PRRX2: variants seen among roughly 807,000 people sequenced by gnomAD.
The protein encoded by PRRX2 is paired mesoderm homeobox protein 2.
PRRX2 carries 11 observed loss-of-function variants against 18.0 expected under a neutral mutation model. The ratio of observed to expected loss-of-function variants is 0.61; its 90% CI spans 0.39 to 1.01. The LOEUF (loss-of-function observed/expected upper bound fraction) is 1.01. Among genes scored for constraint, PRRX2 ranks in the 50% least tolerant of loss-of-function variants. The probability of loss-of-function intolerance (pLI) is 0.01; values close to 1 mark genes in which losing one functional copy is unlikely to be tolerated. For synonymous variants in PRRX2, 177 were observed against 154.8 expected (o/e 1.14, Z -1.06); for missense variants, 387 against 351.0 (o/e 1.10, Z -0.82).
intron 1 of PRRX2, among the ~76,000 whole-genome samples, chr9:129,683,768 G>A (rs1832262682): frequency 6.6e-6 from 1 of 152,152 alleles, no homozygotes; most frequent in South Asian, 2.1e-4. Context: ...GACACAGGCA[G>A]GTAATTTACT....
rs1351545177 is a variant in PRRX2, at chr9:129,719,259, C to T, written c.288C>T (p.Ser96=). 1.2e-6 allele frequency: 2 copies of T among 1,603,938 alleles called. No individual in the cohort carries two copies. Among genetic ancestry groups the T allele is most frequent in the East Asian group, 4.5e-5 (2 of 44,580 alleles). The change falls in exon 2 of 4, where the codon AGC becomes AGT. Residue 96 remains serine (S), a synonymous_variant. Coordinates refer to ENST00000372469, the MANE Select transcript of PRRX2 (RefSeq NM_016307.4). ...DGECPSPGRG[S]AAKRKKKQRR... ...AGTGTCCCAGCCCGGGGCGCGGTAGCGCCGCCAAGCGGAAGAAGAAGCAGC... is the reference window on the plus strand; with the variant it reads ...AGTGTCCCAGCCCGGGGCGCGGTAGTGCCGCCAAGCGGAAGAAGAAGCAGC...
In PRRX2 at chr9:129,719,225, C is replaced by T; in HGVS notation, c.260-6C>T. ...GCTGACCATCCCGCCCCCCCAACCTCCGCAGGTGAGTGTCCCAGCCCGGGG... is the reference window on the plus strand; with the variant it reads ...GCTGACCATCCCGCCCCCCCAACCTTCGCAGGTGAGTGTCCCAGCCCGGGG... On this transcript the variant is annotated splice_polypyrimidine_tract_variant and splice_region_variant and intron_variant, in intron 1 of 3. Coordinates refer to ENST00000372469, the MANE Select transcript of PRRX2 (RefSeq NM_016307.4). 1 of 1,576,922 alleles carries T rather than the reference C, an allele frequency of 6.3e-7. No homozygotes were observed. The highest frequency in any genetic ancestry group is 8.6e-7 in the Non-Finnish European group (1 of 1,160,990).
intron 1 of PRRX2, among the ~76,000 whole-genome samples, chr9:129,717,217 C>T: frequency 6.6e-6 from 1 of 151,820 alleles, no homozygotes; most frequent in Non-Finnish European, 1.5e-5. Flanking sequence ...TGGCTAATTT[C>T]TTTTGTCTTT....
intron 1 of PRRX2, chr9:129,713,128 GTCC>G (rs1338773823): frequency 2.0e-5 from 3 of 152,354 alleles, no homozygotes; most frequent in African/African-American, 4.8e-5. Context: ...TGCTGCCTGG[GTCC>G]TCCTCCCCGT....
At position 129,722,325 on chromosome 9, in the gene PRRX2, C is replaced by T. The variant is rs1171002745; in HGVS notation, c.735C>T (p.His245=). The T allele has an allele frequency of 1.2e-6, 2 of 1,614,018 alleles. No homozygotes were observed. Among genetic ancestry groups the T allele is most frequent in the African/African-American group, 1.3e-5 (1 of 75,060 alleles). ...LRLKAKEFSL[H]HSQVPTVN ...TCAAGGCCAAGGAGTTCAGCCTGCACCACAGCCAGGTGCCTACGGTGAACT... is the reference window on the plus strand; with the variant it reads ...TCAAGGCCAAGGAGTTCAGCCTGCATCACAGCCAGGTGCCTACGGTGAACT... The change falls in exon 4 of 4, where the codon CAC becomes CAT. Residue 245 remains histidine (H), a synonymous_variant. Transcript: ENST00000372469.
chr9:129,717,049 T>G (rs1284131591), intron 1 of PRRX2, among the ~76,000 whole-genome samples: 3 of 151,920 alleles, frequency 2.0e-5, no homozygotes, highest in African/African-American at 7.3e-5. Flanking sequence ...TTTTATTTAT[T>G]TATTTATTTA....
intron 2 of PRRX2, among the ~76,000 whole-genome samples, chr9:129,720,101 C>G (rs1028394110): frequency 6.6e-6 from 1 of 151,938 alleles, no homozygotes; most frequent in African/African-American, 2.4e-5. Context: ...AAGTTCTTAA[C>G]TCTGTGCCAG....
At chr9:129,673,631 CACAG>C (rs1832126175) in intron 1 of PRRX2, among the ~76,000 whole-genome samples, 1 of 149,628 alleles carries the variant, frequency 6.7e-6, no homozygotes, top group Non-Finnish European at 1.5e-5. Context: ...CAAAGACACA[CACAG>C]ACCCATACCC....
At chr9:129,705,147 C>T (rs998026681) in intron 1 of PRRX2, among the ~76,000 whole-genome samples, 34 of 150,930 alleles carry the variant, frequency 2.3e-4, no homozygotes, top group African/African-American at 8.0e-4. Flanking sequence ...CCACCCACCC[C>T]GCACCCCATT....
rs1044309026 is a variant in PRRX2, at chr9:129,695,433, G to T, written c.260-23798G>T. 6.6e-6 allele frequency among the ~76,000 whole-genome samples: 1 copy of T among 152,272 alleles called. No homozygotes were observed. Among genetic ancestry groups the T allele is most frequent in the African/African-American group, 2.4e-5 (1 of 41,562 alleles). ...AGAATCAGCTTCCCTCCAAATTCCC[G>T]GTCTCTTGCTCTGGGCTTTACTTGA... On this transcript the variant is annotated intron_variant, in intron 1 of 3. Transcript: ENST00000372469. The surrounding 1 kb of genome is among the most constrained non-coding windows in gnomAD (Gnocchi z 4.8).
At chr9:129,678,290 G>A (rs1468425108) in intron 1 of PRRX2, among the ~76,000 whole-genome samples, 2 of 152,074 alleles carry the variant, frequency 1.3e-5, no homozygotes, top group African/African-American at 2.4e-5. Context: ...CAAGGGGCTG[G>A]TTTCTCTGTC....
intron 1 of PRRX2, among the ~76,000 whole-genome samples, chr9:129,702,874 C>T (rs1456118027): frequency 6.6e-6 from 1 of 152,158 alleles, no homozygotes; most frequent in Non-Finnish European, 1.5e-5. Flanking sequence ...GCAAGGGGGG[C>T]GGGGCAGCTC....
chr9:129,684,518 A>ACACCCC (rs1554723045), intron 1 of PRRX2, among the ~76,000 whole-genome samples: 3 of 38,440 alleles, frequency 7.8e-5, no homozygotes, highest in African/African-American at 2.1e-4. Context: ...ACACACACAC[A>ACACCCC]CACACCCACA....
chr9:129,691,170 CAA>C (rs59003962), intron 1 of PRRX2, among the ~76,000 whole-genome samples: 22 of 101,250 alleles, frequency 2.2e-4, no homozygotes, highest in Non-Finnish European at 2.6e-4. Context: ...GCTAAATATA[CAA>C]AAAAAAAAAA....
intron 1 of PRRX2, among the ~76,000 whole-genome samples, chr9:129,680,752 C>T (rs377413295): frequency 1.2e-4 from 18 of 152,282 alleles, no homozygotes; most frequent in Middle Eastern, 3.4e-3. Flanking sequence ...CCCTGCCTGG[C>T]GACCTGGGAT....
intron 1 of PRRX2, among the ~76,000 whole-genome samples, chr9:129,710,713 C>T (rs1832607955): frequency 6.6e-6 from 1 of 152,098 alleles, no homozygotes; most frequent in African/African-American, 2.4e-5. Context: ...AGCCTGGTAA[C>T]AGAGTGAGAC....
At chr9:129,701,621 G>A (rs1413297312) in intron 1 of PRRX2, among the ~76,000 whole-genome samples, 1 of 152,238 alleles carries the variant, frequency 6.6e-6, no homozygotes, top group Non-Finnish European at 1.5e-5. Context: ...CAGCATCCCT[G>A]GGTGTGTCTG....
Position 129,709,514 on chromosome 9 carries a change from G to T in PRRX2, c.260-9717G>T, listed in dbSNP as rs183034301. Among the ~76,000 whole-genome samples the T allele has an allele frequency of 1.1e-3, 166 of 152,326 alleles. 2 individuals carry two copies. The highest frequency in any genetic ancestry group is 3.8e-3 in the African/African-American group (159 of 41,576). On this transcript the variant is annotated intron_variant, in intron 1 of 3. Coordinates refer to ENST00000372469, the MANE Select transcript of PRRX2 (RefSeq NM_016307.4). The surrounding 1 kb of genome is among the most constrained non-coding windows in gnomAD (Gnocchi z 4.2). ...GCAGGTCAGAGCACGGCAGTCCCAGGTTGGGTGGCCCATGCCTCTCGCTCT... is the reference window on the plus strand; with the variant it reads ...GCAGGTCAGAGCACGGCAGTCCCAGTTTGGGTGGCCCATGCCTCTCGCTCT...
rs1832150642 is a variant in PRRX2, at chr9:129,675,312, G to A, written c.259+9186G>A. ...GAGCACCTACTGAGTACCAGCCCAA[G>A]GCAGCCCAGGGGCGTGGAATGCAGG... On this transcript the variant is annotated intron_variant, in intron 1 of 3. Coordinates refer to ENST00000372469, the MANE Select transcript of PRRX2 (RefSeq NM_016307.4). The surrounding 1 kb of genome is among the most constrained non-coding windows in gnomAD (Gnocchi z 4.4). Among the ~76,000 whole-genome samples, 1 of 152,204 alleles carries A rather than the reference G, an allele frequency of 6.6e-6. No homozygotes were observed. Among genetic ancestry groups the A allele is most frequent in the Admixed American group, 6.5e-5 (1 of 15,286 alleles).
Sources: gnomAD v4.1 joint callset for allele counts (sites outside exome capture counted in the v4.1 genomes callset) on GRCh38, gnomAD v4.1.1 for gene constraint, Gnocchi (gnomAD v3.1) non-coding constraint, MANE v1.5 for transcripts, NCBI Gene and HGNC (gene_info 2026-07-23, HGNC 2026-07-21) for gene names.